ATG13: variants seen among roughly 807,000 people sequenced by gnomAD.
ATG13 encodes the protein autophagy related 13.
In ATG13, 23 loss-of-function variants were observed where a neutral mutation model predicts 65.5. The ratio of observed to expected loss-of-function variants is 0.35; its 90% CI spans 0.25 to 0.50. The LOEUF (loss-of-function observed/expected upper bound fraction) is 0.50, where lower values mean the gene tolerates loss of function less well. ATG13 is among the 20% of genes least tolerant of loss of function. ATG13 has a pLI of 0.98. For missense variants in ATG13, 566 were observed against 677.0 expected (o/e 0.84, Z 1.82); for synonymous variants, 252 against 245.2 (o/e 1.03, Z -0.26).
intron 2 of ATG13, among the ~76,000 whole-genome samples, chr11:46,639,574 GTTGCAGCAGAGAAAAGAGGTTTAA>G (rs2055179904): frequency 6.6e-6 from 1 of 152,124 alleles, no homozygotes; most frequent in Non-Finnish European, 1.5e-5. Flanking sequence ...GAGACACTGG[GTTGCAGCAGAGAAAAGAGGTTTAA>G]TTGTAGGGTT....
At chr11:46,628,535 TTTATGTAAGTAGAAGTAGGCA>T (rs1238782815) in intron 1 of ATG13, among the ~76,000 whole-genome samples, 2 of 152,160 alleles carry the variant, frequency 1.3e-5, no homozygotes, top group Non-Finnish European at 2.9e-5. Context: ...GCTTATATAT[TTTATGTAAGTAGAAGTAGGCA>T]TTATACAAAT....
chr11:46,623,049 C>G (rs567987125), intron 1 of ATG13, among the ~76,000 whole-genome samples: 1 of 152,044 alleles, frequency 6.6e-6, no homozygotes, highest in Non-Finnish European at 1.5e-5. Flanking sequence ...AATCCCAGCA[C>G]TTTGGGAGGC....
intron 10 of ATG13, among the ~76,000 whole-genome samples, chr11:46,658,254 T>C (rs1460667749): frequency 6.6e-6 from 1 of 152,200 alleles, no homozygotes; most frequent in Non-Finnish European, 1.5e-5. Context: ...ACTAGATGTA[T>C]ATCAGGAAGG....
At chr11:46,633,751 C>T (rs1038246208) in intron 2 of ATG13, among the ~76,000 whole-genome samples, 9 of 152,040 alleles carry the variant, frequency 5.9e-5, no homozygotes, top group Non-Finnish European at 7.4e-5. Context: ...TTCCAGGTTA[C>T]GGTGAGCTAT....
At chr11:46,622,052 C>T (rs2047679439) in intron 1 of ATG13, among the ~76,000 whole-genome samples, 2 of 132,344 alleles carry the variant, frequency 1.5e-5, no homozygotes, top group African/African-American at 5.5e-5. Context: ...TGATGAAAGG[C>T]CACTTCAGAG....
chr11:46,626,316 C>T (rs2049598166), intron 1 of ATG13, among the ~76,000 whole-genome samples: 1 of 151,810 alleles, frequency 6.6e-6, no homozygotes, highest in African/African-American at 2.4e-5. Flanking sequence ...AGTGGCACAA[C>T]CTCAGCTCAC....
At chr11:46,669,623 C>T in intron 18 of ATG13, 91 bp downstream of exon 18, 1 of 1,404,128 alleles carries the variant, frequency 7.1e-7, no homozygotes, top group Non-Finnish European at 9.8e-7. Flanking sequence ...CTTCTATCTT[C>T]CCTGTAATAG....
Position 46,650,334 on chromosome 11 carries a change from G to T in ATG13, c.458+17G>T. On this transcript the variant is annotated intron_variant, in intron 7 of 18. Transcript: ENST00000683050. Reference sequence around the variant, plus strand: ...ATTATACAGGTAAACAGCATAGATGGTCATCTTGATTCACTCATCAACCCC... The same window carrying T: ...ATTATACAGGTAAACAGCATAGATGTTCATCTTGATTCACTCATCAACCCC... 6.2e-7 allele frequency: 1 copy of T among 1,606,046 alleles called. No homozygotes were observed. The highest frequency in any genetic ancestry group is 8.5e-7 in the Non-Finnish European group (1 of 1,174,102).
At chr11:46,651,938 A>T (rs2058987058) in intron 7 of ATG13, among the ~76,000 whole-genome samples, 1 of 152,132 alleles carries the variant, frequency 6.6e-6, no homozygotes, top group Non-Finnish European at 1.5e-5. Context: ...GTGTTCCTTT[A>T]TTAGGTATCT....
rs2045733682 is a variant in ATG13 at position 46,617,662 on chromosome 11, G to A, written c.-298G>A. On this transcript the variant is annotated 5_prime_UTR_variant, in exon 1 of 19. Transcript: ENST00000683050. ...CCGCTTAACCAGTGAGGGAAGCACTGAAGAGCGCCAGTCGACGTGGGTGCG... is the reference window on the plus strand; with the variant it reads ...CCGCTTAACCAGTGAGGGAAGCACTAAAGAGCGCCAGTCGACGTGGGTGCG... 2.6e-6 allele frequency: 1 copy of A among 386,666 alleles called. No homozygotes were observed. The highest frequency in any genetic ancestry group is 2.1e-5 in the African/African-American group (1 of 47,940). 24.0% of individuals were successfully genotyped at this position (386,666 alleles called of 1,614,324 possible).
intron 1 of ATG13, among the ~76,000 whole-genome samples, chr11:46,620,371 A>T (rs1388251015): frequency 6.6e-6 from 1 of 151,760 alleles, no homozygotes; most frequent in East Asian, 2.0e-4. Context: ...CTGGGATTAC[A>T]GGCGTGAGCC....
chr11:46,662,975 A>T (rs1453811047), intron 11 of ATG13, among the ~76,000 whole-genome samples: 1 of 152,030 alleles, frequency 6.6e-6, no homozygotes, highest in Admixed American at 6.6e-5. Context: ...CAGGTTTAAA[A>T]CTGGAACAGT....
rs1465730523 is a variant in ATG13, at chr11:46,645,347, A to G, written c.78A>G (p.Gln26=). ...FIKFFALKTV[Q]VIVQARLGEK... ...GTTTTTTTTTTCTTTAGACTGTCCA[A>G]GTGATTGTCCAGGCTCGGCTTGGTG... is the stretch of plus-strand genomic sequence containing the variant. The change falls in exon 4 of 19, where the codon CAA becomes CAG. Residue 26 remains glutamine (Q), a synonymous_variant. Transcript: ENST00000683050. 1 of 1,613,372 alleles carries G rather than the reference A, an allele frequency of 6.2e-7. No individual in the cohort carries two copies. The highest frequency in any genetic ancestry group is 8.5e-7 in the Non-Finnish European group (1 of 1,179,818).
chr11:46,641,918 G>T (rs1327488455), intron 2 of ATG13, among the ~76,000 whole-genome samples: 2 of 151,994 alleles, frequency 1.3e-5, no homozygotes, highest in African/African-American at 4.8e-5. Context: ...AGGACTACAG[G>T]CATGTGCCAC....
At chr11:46,628,933 GTT>G (rs2050671890) in intron 1 of ATG13, among the ~76,000 whole-genome samples, 1 of 131,484 alleles carries the variant, frequency 7.6e-6, no homozygotes, top group South Asian at 2.4e-4. Context: ...ATACTGATCT[GTT>G]TTCTTTTTTT....
At chr11:46,633,653 T>C (rs2052812267) in intron 2 of ATG13, among the ~76,000 whole-genome samples, 1 of 152,048 alleles carries the variant, frequency 6.6e-6, no homozygotes, top group Non-Finnish European at 1.5e-5. Context: ...GGCCAAAAAT[T>C]TTTTTTAATT....
At chr11:46,662,716 A>G (rs1173434665) in intron 11 of ATG13, among the ~76,000 whole-genome samples, 1 of 152,124 alleles carries the variant, frequency 6.6e-6, no homozygotes, top group South Asian at 2.1e-4. Flanking sequence ...ATTTCTCCTC[A>G]TTCCTGTTAA....
Position 46,672,697 on chromosome 11 carries a change from C to T in ATG13, c.*365C>T, listed in dbSNP as rs1429421153. On this transcript the variant is annotated 3_prime_UTR_variant, in exon 19 of 19. Coordinates refer to ENST00000683050, the MANE Select transcript of ATG13 (RefSeq NM_001346311.2). ...CCTGGGCCTGCCTTGCAGCTGGCCC[C>T]TTCCCTGCCTGCTGTCACCATCCAC... The T allele has an allele frequency of 2.1e-5, 28 of 1,365,510 alleles. No individual in the cohort carries two copies. The highest frequency in any genetic ancestry group is 2.5e-5 in the Non-Finnish European group (26 of 1,031,782). 84.6% of individuals were successfully genotyped at this position (1,365,510 alleles called of 1,614,324 possible). A position where few individuals can be genotyped will look rare whatever the true frequency, so the allele number is the denominator to read the frequency against.
In ATG13 at chr11:46,644,363, A is replaced by G; in HGVS notation, c.69+3A>G. 3 of 1,602,472 alleles carry G rather than the reference A, an allele frequency of 1.9e-6. No individual in the cohort carries two copies. Among genetic ancestry groups the G allele is most frequent in the Non-Finnish European group, 2.6e-6 (3 of 1,173,900 alleles). The stretch of plus-strand genomic sequence containing the variant: ...TTATTAAATTTTTTGCCCTCAAGGT[A>G]ATGTGTCCATTCTCTTGAGCCTAGA... On this transcript the variant is annotated splice_donor_region_variant and intron_variant, in intron 3 of 18. Transcript: ENST00000683050.
Sources: gnomAD v4.1 joint callset for allele counts (sites outside exome capture counted in the v4.1 genomes callset) on GRCh38, gnomAD v4.1.1 for gene constraint, MANE v1.5 for transcripts, NCBI Gene and HGNC (gene_info 2026-07-23, HGNC 2026-07-21) for gene names.